The following GPM6A variants were observed in gnomAD, a reference collection of about 807,000 sequenced individuals.
GPM6A encodes the protein glycoprotein M6A.
In GPM6A, 7 loss-of-function variants were observed where a neutral mutation model predicts 32.1. That is an observed-to-expected ratio of 0.22 (90% confidence interval 0.12 to 0.41). The LOEUF is 0.41. Among genes scored for constraint, GPM6A ranks in the 10% least tolerant of loss-of-function variants. The pLI is 1.00. For synonymous variants in GPM6A, 130 were observed against 123.4 expected, an observed-to-expected ratio of 1.05 and a Z score of -0.35; for missense variants, 235 against 347.2, an observed-to-expected ratio of 0.68 and a Z score of 2.57.
chr4:175,889,257 A>G (rs1036443199), intron 1 of GPM6A, among the ~76,000 whole-genome samples: 3 of 152,094 alleles, frequency 2.0e-5, no homozygotes, highest in Admixed American at 6.6e-5. Flanking sequence ...AATACAAACA[A>G]TTTTTTTAAG....
chr4:175,717,053 T>G (rs1745876074), intron 1 of GPM6A, among the ~76,000 whole-genome samples: 1 of 152,168 alleles, frequency 6.6e-6, no homozygotes, highest in Non-Finnish European at 1.5e-5. Flanking sequence ...TACATTAACT[T>G]ACCATTATAC....
chr4:175,715,852 G>A (rs897528573), intron 1 of GPM6A, among the ~76,000 whole-genome samples: 20 of 152,002 alleles, frequency 1.3e-4, no homozygotes, highest in Non-Finnish European at 1.0e-4. Context: ...GATAACCTGA[G>A]GTCAGGAGTT....
rs150140257 is a variant in GPM6A at position 175,879,479 on chromosome 4, C to T, written c.-22-67230G>A. ...TGGTGGTAGCTAACTCTTCACAGGG[C>T]GGCAGGAGAGAGAATGAGTGTCAAG... is the stretch of plus-strand genomic sequence containing the variant. On this transcript the variant is annotated intron_variant, in intron 1 of 7. Transcript: ENST00000280187. Among the ~76,000 whole-genome samples, 75 of 152,126 alleles carry T rather than the reference C, an allele frequency of 4.9e-4. 1 individual carries two copies. Among genetic ancestry groups the T allele is most frequent in the African/African-American group, 1.5e-3 (63 of 41,508 alleles).
intron 2 of GPM6A, among the ~76,000 whole-genome samples, chr4:175,676,232 G>A (rs1345540256): frequency 6.6e-6 from 1 of 152,046 alleles, no homozygotes; most frequent in East Asian, 1.9e-4. Context: ...AAATTACCCG[G>A]TCTCAGGTAT....
At chr4:175,721,405 G>A (rs997803489) in intron 1 of GPM6A, among the ~76,000 whole-genome samples, 13 of 151,704 alleles carry the variant, frequency 8.6e-5, no homozygotes, top group African/African-American at 3.1e-4. Flanking sequence ...GAACCCAGGA[G>A]GCAGAGGTTG....
intron 1 of GPM6A, among the ~76,000 whole-genome samples, chr4:175,990,367 A>T (rs1410976858): frequency 1.3e-5 from 2 of 152,178 alleles, no homozygotes; most frequent in Non-Finnish European, 2.9e-5. Context: ...GATGTCCTCC[A>T]TTCCTGACCA....
chr4:175,789,944 T>C (rs1487747162), intron 1 of GPM6A, among the ~76,000 whole-genome samples: 1 of 152,208 alleles, frequency 6.6e-6, no homozygotes, highest in East Asian at 1.9e-4. Flanking sequence ...CAAATATATT[T>C]GTTCTGAGTA....
At chr4:175,685,911 T>C (rs1743953171) in intron 2 of GPM6A, among the ~76,000 whole-genome samples, 1 of 151,484 alleles carries the variant, frequency 6.6e-6, no homozygotes, top group Admixed American at 6.6e-5. Context: ...AAAATGATCA[T>C]TAAAAGTGTG....
At chr4:175,766,704 G>C (rs1397928217) in intron 1 of GPM6A, among the ~76,000 whole-genome samples, 3 of 148,712 alleles carry the variant, frequency 2.0e-5, no homozygotes, top group Non-Finnish European at 4.4e-5. Flanking sequence ...ACCCAGGCTG[G>C]AGTGCAGTGG....
chr4:175,953,899 CA>C (rs1218335914), intron 1 of GPM6A, among the ~76,000 whole-genome samples: 2 of 151,884 alleles, frequency 1.3e-5, no homozygotes, highest in Non-Finnish European at 2.9e-5. Flanking sequence ...AACTCCATAT[CA>C]AAAAATAAAA....
intron 4 of GPM6A, among the ~76,000 whole-genome samples, chr4:175,643,716 C>T (rs1462887329): frequency 6.6e-6 from 1 of 152,124 alleles, no homozygotes; most frequent in Non-Finnish European, 1.5e-5. Flanking sequence ...AATAATTAGT[C>T]ACAGCTGGCT....
At chr4:175,725,948 T>A (rs1021021324) in intron 1 of GPM6A, among the ~76,000 whole-genome samples, 1 of 151,930 alleles carries the variant, frequency 6.6e-6, no homozygotes, top group Non-Finnish European at 1.5e-5. Flanking sequence ...CATATCAAAT[T>A]TATTTTCATG....
intron 1 of GPM6A, among the ~76,000 whole-genome samples, chr4:175,958,541 T>C (rs1740062340): frequency 6.6e-6 from 1 of 152,208 alleles, no homozygotes; most frequent in Non-Finnish European, 1.5e-5. Context: ...TGGCTAAAAC[T>C]GTATTCTAAA....
intron 1 of GPM6A, among the ~76,000 whole-genome samples, chr4:175,792,244 G>T (rs1341887857): frequency 6.6e-6 from 1 of 152,108 alleles, no homozygotes; most frequent in Non-Finnish European, 1.5e-5. Context: ...TTCTGGTTAT[G>T]CATTGGATTG....
intron 1 of GPM6A, among the ~76,000 whole-genome samples, chr4:175,766,707 T>G (rs967176059): frequency 4.1e-5 from 6 of 145,198 alleles, no homozygotes; most frequent in African/African-American, 1.6e-4. Flanking sequence ...CAGGCTGGAG[T>G]GCAGTGGCGT....
chr4:175,973,058 C>A (rs1740557319), intron 1 of GPM6A, among the ~76,000 whole-genome samples: 1 of 152,030 alleles, frequency 6.6e-6, no homozygotes. Context: ...GAACACCCAC[C>A]TGAAAAGAGA....
At chr4:175,952,538 A>AT (rs1441185380) in intron 1 of GPM6A, among the ~76,000 whole-genome samples, 1 of 152,198 alleles carries the variant, frequency 6.6e-6, no homozygotes, top group Admixed American at 6.5e-5. Flanking sequence ...GTAAGAAAAA[A>AT]TTTTAAATTC....
chr4:175,781,762 C>T (rs1392360815), intron 1 of GPM6A, among the ~76,000 whole-genome samples: 1 of 152,076 alleles, frequency 6.6e-6, no homozygotes, highest in Non-Finnish European at 1.5e-5. Context: ...ATAACATGGC[C>T]ATTGGGATGA....
chr4:175,841,665 T>C (rs1322608834), intron 1 of GPM6A, among the ~76,000 whole-genome samples: 1 of 152,124 alleles, frequency 6.6e-6, no homozygotes, highest in African/African-American at 2.4e-5. Flanking sequence ...ACATTTTCAA[T>C]AAAAGGAATA....
Sources: gnomAD v4.1 joint callset for allele counts (sites outside exome capture counted in the v4.1 genomes callset) on GRCh38, gnomAD v4.1.1 for gene constraint, MANE v1.5 for transcripts, NCBI Gene and HGNC (gene_info 2026-07-23, HGNC 2026-07-21) for gene names.